HHAT: variants seen among roughly 807,000 people sequenced by gnomAD.
The protein encoded by HHAT is protein-cysteine N-palmitoyltransferase HHAT.
A neutral mutation model predicts 70.8 loss-of-function variants in HHAT; 47 were observed. That is an observed-to-expected ratio of 0.66 (90% confidence interval 0.53 to 0.85). The LOEUF (loss-of-function observed/expected upper bound fraction) is 0.85, where lower values mean the gene tolerates loss of function less well. HHAT is among the 40% of genes least tolerant of loss of function. HHAT has a pLI of 0.00. For missense variants in HHAT, 609 were observed against 604.8 expected (o/e 1.01, Z -0.07); for synonymous variants, 228 against 247.6 (o/e 0.92, Z 0.74).
intron 4 of HHAT, among the ~76,000 whole-genome samples, chr1:210,389,096 G>A (rs1233201892): frequency 6.6e-6 from 1 of 152,124 alleles, no homozygotes; most frequent in Admixed American, 6.5e-5. Flanking sequence ...ATAAAACTGA[G>A]TAATTTTATA....
intron 10 of HHAT, 79 bp from the exon 11 acceptor site, chr1:210,623,447 A>G: frequency 6.5e-7 from 1 of 1,541,878 alleles, no homozygotes; most frequent in Non-Finnish European, 8.9e-7. Flanking sequence ...TGGGCTGGTG[A>G]CAGAGAAAGC....
At chr1:210,358,008 G>A (rs1402355970) in intron 2 of HHAT, among the ~76,000 whole-genome samples, 2 of 152,114 alleles carry the variant, frequency 1.3e-5, no homozygotes, top group East Asian at 1.9e-4. Flanking sequence ...TCCTTACATA[G>A]GAGAGTGTTG....
At chr1:210,334,254 C>T (rs1340969795) in intron 1 of HHAT, among the ~76,000 whole-genome samples, 2 of 143,556 alleles carry the variant, frequency 1.4e-5, no homozygotes, top group African/African-American at 2.6e-5. Context: ...GCAGCCTCAA[C>T]TTCCCAGGCT....
At chr1:210,650,094 G>T (rs1315601467) in intron 11 of HHAT, among the ~76,000 whole-genome samples, 1 of 152,224 alleles carries the variant, frequency 6.6e-6, no homozygotes, top group Admixed American at 6.5e-5. Context: ...TGATGCTGAG[G>T]ACTGGGATAT....
At chr1:210,577,637 ATTTTTTTTTTTTT>A (rs1192626068) in intron 9 of HHAT, among the ~76,000 whole-genome samples, 2 of 60,206 alleles carry the variant, frequency 3.3e-5, no homozygotes, top group Non-Finnish European at 6.4e-5. Context: ...GGCCTGTAGG[ATTTTTTTTTTTTT>A]TTTTTTTTTT....
chr1:210,364,702 C>T (rs1331916570), intron 3 of HHAT, among the ~76,000 whole-genome samples: 2 of 152,208 alleles, frequency 1.3e-5, no homozygotes, highest in African/African-American at 4.8e-5. Flanking sequence ...CTTGTCACTT[C>T]ACTGGGTCAA....
intron 11 of HHAT, among the ~76,000 whole-genome samples, chr1:210,657,534 G>C (rs1041785635): frequency 3.3e-5 from 5 of 152,202 alleles, no homozygotes; most frequent in Admixed American, 6.5e-5. Flanking sequence ...GGCCATGGCT[G>C]CTGCCCCCGG....
intron 10 of HHAT, among the ~76,000 whole-genome samples, chr1:210,622,438 G>A (rs146271058): frequency 6.6e-6 from 1 of 152,170 alleles, no homozygotes; most frequent in Non-Finnish European, 1.5e-5. Context: ...GTGCTGATAG[G>A]GCTCGCACAC....
chr1:210,574,658 C>T (rs934209693), intron 9 of HHAT, among the ~76,000 whole-genome samples: 2 of 152,218 alleles, frequency 1.3e-5, no homozygotes, highest in Non-Finnish European at 2.9e-5. Flanking sequence ...GCTTTGAAAA[C>T]CTAGAGTATA....
intron 3 of HHAT, among the ~76,000 whole-genome samples, chr1:210,383,449 A>C (rs2090808112): frequency 6.7e-6 from 1 of 148,418 alleles, no homozygotes; most frequent in Non-Finnish European, 1.5e-5. Flanking sequence ...TAAAAAGATC[A>C]TTGTTTGCCA....
intron 7 of HHAT, among the ~76,000 whole-genome samples, chr1:210,430,972 C>G (rs1256480641): frequency 6.6e-6 from 1 of 151,762 alleles, no homozygotes; most frequent in African/African-American, 2.4e-5. Flanking sequence ...GCTGGTAATT[C>G]TACATCTGCA....
chr1:210,334,177 CAT>C (rs2085257924), intron 1 of HHAT, among the ~76,000 whole-genome samples: 4 of 34,548 alleles, frequency 1.2e-4, no homozygotes, highest in African/African-American at 6.6e-4. Flanking sequence ...TTTAGCGTGT[CAT>C]TTTTTTTTTT....
At chr1:210,528,059 C>A (rs1182810458) in intron 9 of HHAT, among the ~76,000 whole-genome samples, 1 of 152,178 alleles carries the variant, frequency 6.6e-6, no homozygotes, top group Non-Finnish European at 1.5e-5. Context: ...AAAAGACATG[C>A]AATTCCTACC....
At chr1:210,628,242 A>G (rs537149928) in intron 11 of HHAT, among the ~76,000 whole-genome samples, 5 of 152,220 alleles carry the variant, frequency 3.3e-5, no homozygotes, top group African/African-American at 9.6e-5. Flanking sequence ...GGAGAGCCTT[A>G]TAATGTGTGT....
intron 9 of HHAT, among the ~76,000 whole-genome samples, chr1:210,572,190 A>G (rs1321626599): frequency 6.6e-6 from 1 of 152,112 alleles, no homozygotes; most frequent in Non-Finnish European, 1.5e-5. Context: ...TCTGATAGGG[A>G]TCGTGAATCA....
intron 9 of HHAT, among the ~76,000 whole-genome samples, chr1:210,534,300 C>T (rs2095347175): frequency 6.6e-6 from 1 of 152,172 alleles, no homozygotes; most frequent in Admixed American, 6.5e-5. Flanking sequence ...GATTTGTACA[C>T]TCCTGTTATA....
Position 210,348,944 on chromosome 1 carries a change from G to A in HHAT, c.-32G>A, listed in dbSNP as rs759229105. On this transcript the variant is annotated 5_prime_UTR_variant, in exon 2 of 12. Transcript: ENST00000261458. ...TCTCTGTTTCTCAGAAACTCTCAGC[G>A]TAGGCATCGGGAACCTTCGTGCCAA... 9.9e-6 allele frequency: 16 copies of A among 1,610,134 alleles called. No individual in the cohort carries two copies. Among genetic ancestry groups the A allele is most frequent in the Middle Eastern group, 1.7e-4 (1 of 6,060 alleles).
chr1:210,646,179 T>G (rs1674020354), intron 11 of HHAT, among the ~76,000 whole-genome samples: 1 of 152,244 alleles, frequency 6.6e-6, no homozygotes, highest in Non-Finnish European at 1.5e-5. Flanking sequence ...GAGATCATAG[T>G]GGAACCAGAA....
intron 8 of HHAT, among the ~76,000 whole-genome samples, chr1:210,491,926 C>A (rs2148515150): frequency 6.6e-6 from 1 of 152,204 alleles, no homozygotes; most frequent in East Asian, 1.9e-4. Flanking sequence ...CCATGCTTGG[C>A]TAATTTTTGT....
Sources: gnomAD v4.1 joint callset for allele counts (sites outside exome capture counted in the v4.1 genomes callset) on GRCh38, gnomAD v4.1.1 for gene constraint, MANE v1.5 for transcripts, NCBI Gene and HGNC (gene_info 2026-07-23, HGNC 2026-07-21) for gene names.